Variants in RPS6KA2 observed in about 807,000 individuals in gnomAD.
RPS6KA2 encodes ribosomal protein S6 kinase A2, also known as ribosomal protein S6 kinase alpha-2.
Under a neutral mutation model 91.8 loss-of-function variants are expected in RPS6KA2, and 42 were observed. That is an observed-to-expected ratio of 0.46 (90% CI 0.36 to 0.59). The LOEUF (loss-of-function observed/expected upper bound fraction) is 0.59, where lower values mean the gene tolerates loss of function less well. Among genes scored for constraint, RPS6KA2 ranks in the 20% least tolerant of loss-of-function variants. RPS6KA2 has a pLI of 0.00. For synonymous variants in RPS6KA2, 414 were observed against 393.6 expected, an observed-to-expected ratio of 1.05 and a Z score of -0.61; for missense variants, 798 against 978.5, an observed-to-expected ratio of 0.82 and a Z score of 2.46.
chr6:166,771,550 A>T (rs1211127196), intron 2 of RPS6KA2, among the ~76,000 whole-genome samples: 1 of 152,148 alleles, frequency 6.6e-6, no homozygotes, highest in Admixed American at 6.6e-5. Flanking sequence ...GGCTACCCTT[A>T]CTGCGGCACG....
In RPS6KA2 at chr6:166,490,547, A is replaced by T. The variant is rs41269591; in HGVS notation, c.818+124T>A. On this transcript the variant is annotated intron_variant, in intron 9 of 20. Coordinates refer to ENST00000265678, the MANE Select transcript of RPS6KA2 (RefSeq NM_021135.6). This position sits in a 1 kb window ranked among gnomAD's most constrained non-coding sequence, Gnocchi z 4.2. ...ACCAGTGACTTTTAGAAAACAGCTT[A>T]CAATACTTTGGCACTGTAAGCCTAG... 13 of 722,622 alleles carry T rather than the reference A, an allele frequency of 1.8e-5. No homozygotes were observed. The highest frequency in any genetic ancestry group is 2.5e-5 in the Admixed American group (1 of 40,534). The allele number at this position is 722,622 out of a possible 1,614,324, so 44.8% of individuals were successfully genotyped here. A position where few individuals can be genotyped will look rare whatever the true frequency, so the allele number is the denominator to read the frequency against.
At chr6:166,842,003 G>A (rs780946241) in intron 2 of RPS6KA2, among the ~76,000 whole-genome samples, 4 of 152,080 alleles carry the variant, frequency 2.6e-5, no homozygotes, top group Admixed American at 6.5e-5. Context: ...GCGAACAAAA[G>A]CCAGTGCCCA....
chr6:166,462,715 C>T (rs1405849832), intron 11 of RPS6KA2, among the ~76,000 whole-genome samples: 1 of 152,214 alleles, frequency 6.6e-6, no homozygotes, highest in Non-Finnish European at 1.5e-5. Context: ...AATAGCTCCC[C>T]CTCACACGGC....
rs541153918 is a variant in RPS6KA2 at position 166,498,836 on chromosome 6, C to T, written c.605-186G>A. Among the ~76,000 whole-genome samples, 7 of 152,314 alleles carry T rather than the reference C, an allele frequency of 4.6e-5. No individual in the cohort carries two copies. The South Asian group carries it at 8.3e-4, about 18-fold the overall frequency. ...AAGCCCGTCAGTGCCCGAAGCCCGC[C>T]GGTGCCTGAAGCCGAAATCCTCAAA... On this transcript the variant is annotated intron_variant, in intron 7 of 20. Transcript: ENST00000265678.
chr6:166,721,367 C>G (rs929281389), intron 2 of RPS6KA2, among the ~76,000 whole-genome samples: 1 of 152,204 alleles, frequency 6.6e-6, no homozygotes, highest in African/African-American at 2.4e-5. Flanking sequence ...ACGGCCAGGA[C>G]CCGGGAGCAC....
intron 1 of RPS6KA2, among the ~76,000 whole-genome samples, chr6:166,610,235 T>C (rs999808404): frequency 5.3e-5 from 8 of 152,364 alleles, no homozygotes; most frequent in Middle Eastern, 3.4e-3. Context: ...TCGTAAATGA[T>C]TCTTTCCACT....
In RPS6KA2 at chr6:166,825,250, G is replaced by A. The variant is rs999997474; in HGVS notation, c.123+32950C>T. Among the ~76,000 whole-genome samples the A allele has an allele frequency of 3.3e-5, 5 of 152,264 alleles. No homozygotes were observed. Among genetic ancestry groups the A allele is most frequent in the African/African-American group, 9.6e-5 (4 of 41,472 alleles). ...AAAGGGGAGTGATCCCATGAGTCCC[G>A]AGAATAAAAGGCAGGGCTGATGGTG... On this transcript the variant is annotated intron_variant, in intron 2 of 21. Transcript: ENST00000503859. The surrounding 1 kb of genome is among the most constrained non-coding windows in gnomAD (Gnocchi z 4.1).
In RPS6KA2 at chr6:166,418,993, A is replaced by AC. The variant is rs1778633439; in HGVS notation, c.1821-652dup. 6.6e-6 allele frequency among the ~76,000 whole-genome samples: 1 copy of AC among 152,164 alleles called. No individual in the cohort carries two copies. The highest frequency in any genetic ancestry group is 1.5e-5 in the Non-Finnish European group (1 of 68,036). ...ATTAGAAGCGTCACAAAGTAACCTG[A>AC]CTGTGGTATTGGTAAGAAACTGAGG... is the stretch of plus-strand genomic sequence containing the variant. On this transcript the variant is annotated intron_variant, in intron 18 of 20. Coordinates refer to ENST00000265678, the MANE Select transcript of RPS6KA2 (RefSeq NM_021135.6). This position sits in a 1 kb window ranked among gnomAD's most constrained non-coding sequence, Gnocchi z 4.9.
At chr6:166,472,793 A>G (rs1252681162) in intron 10 of RPS6KA2, among the ~76,000 whole-genome samples, 3 of 152,150 alleles carry the variant, frequency 2.0e-5, no homozygotes, top group Non-Finnish European at 4.4e-5. Flanking sequence ...CGGGATGCGG[A>G]TGACACGCAC....
Position 166,500,200 on chromosome 6 carries a change from G to A in RPS6KA2, c.604+687C>T, listed in dbSNP as rs1321341889. On this transcript the variant is annotated intron_variant, in intron 7 of 20. Coordinates refer to ENST00000265678, the MANE Select transcript of RPS6KA2 (RefSeq NM_021135.6). The surrounding 1 kb of genome is among the most constrained non-coding windows in gnomAD (Gnocchi z 4.3). ...CTGCTGACACCTTGATTTCATTCCT[G>A]GGAGACTTATTTCACACTTGGGGCC... Among the ~76,000 whole-genome samples, 16 of 152,206 alleles carry A rather than the reference G, an allele frequency of 1.1e-4. No homozygotes were observed. Among genetic ancestry groups the A allele is most frequent in the Admixed American group, 8.5e-4 (13 of 15,278 alleles).
chr6:166,694,523 G>C (rs998815053), intron 2 of RPS6KA2, among the ~76,000 whole-genome samples: 3 of 152,218 alleles, frequency 2.0e-5, no homozygotes, highest in African/African-American at 7.2e-5. Flanking sequence ...AACAAAGCCT[G>C]GCCCAGAAGA....
chr6:166,807,715 A>G (rs1321488498), intron 2 of RPS6KA2, among the ~76,000 whole-genome samples: 2 of 151,958 alleles, frequency 1.3e-5, no homozygotes, highest in Non-Finnish European at 2.9e-5. Flanking sequence ...CCGTCTGCAC[A>G]CAGCCCAGTG....
chr6:166,680,304 G>T (rs146283061), intron 2 of RPS6KA2, among the ~76,000 whole-genome samples: 29 of 152,300 alleles, frequency 1.9e-4, no homozygotes, highest in African/African-American at 7.0e-4. Flanking sequence ...TGACCAATCA[G>T]CTCTCTGTAA....
At chr6:166,709,038 G>T (rs963464241) in intron 2 of RPS6KA2, among the ~76,000 whole-genome samples, 14 of 152,226 alleles carry the variant, frequency 9.2e-5, no homozygotes, top group African/African-American at 3.4e-4. Flanking sequence ...CACAAGCTGT[G>T]AGCCTGCAGT....
At chr6:166,617,764 G>T (rs888132560) in intron 1 of RPS6KA2, among the ~76,000 whole-genome samples, 1 of 152,176 alleles carries the variant, frequency 6.6e-6, no homozygotes, top group Non-Finnish European at 1.5e-5. Context: ...TAGAAGCTGC[G>T]AATTACATGG....
chr6:166,708,363 T>A (rs1789747246), intron 2 of RPS6KA2, among the ~76,000 whole-genome samples: 1 of 152,214 alleles, frequency 6.6e-6, no homozygotes, highest in East Asian at 1.9e-4. Context: ...AACATTCTGA[T>A]TACTGCAAAG....
chr6:166,659,100 G>A (rs1196357839), intron 2 of RPS6KA2, among the ~76,000 whole-genome samples: 1 of 152,094 alleles, frequency 6.6e-6, no homozygotes, highest in African/African-American at 2.4e-5. Context: ...GGGGATCACA[G>A]AGTCACCAAC....
rs1197680538 is a variant in RPS6KA2 at position 166,557,438 on chromosome 6, A to C, written c.100-18654T>G. Reference sequence around the variant, plus strand: ...TCCCACTGAGCTGTGCCTCAACCCAAATTAACCTGAAGTTCTGTTTACAGG... The same window carrying C: ...TCCCACTGAGCTGTGCCTCAACCCACATTAACCTGAAGTTCTGTTTACAGG... On this transcript the variant is annotated intron_variant, in intron 1 of 20. Transcript: ENST00000265678. This position sits in a 1 kb window ranked among gnomAD's most constrained non-coding sequence, Gnocchi z 4.8. 6.6e-6 allele frequency among the ~76,000 whole-genome samples: 1 copy of C among 152,170 alleles called. No homozygotes were observed. Among genetic ancestry groups the C allele is most frequent in the Non-Finnish European group, 1.5e-5 (1 of 68,030 alleles).
chr6:166,520,616 TGTAGAAGTA>T (rs1360602789), intron 3 of RPS6KA2, among the ~76,000 whole-genome samples: 1 of 152,130 alleles, frequency 6.6e-6, no homozygotes, highest in Non-Finnish European at 1.5e-5. Context: ...AACCTAAGAA[TGTAGAAGTA>T]GCTTTGGAAA....
Sources: allele counts gnomAD v4.1 joint callset (sites outside exome capture counted in the v4.1 genomes callset), GRCh38; gene constraint gnomAD v4.1.1; non-coding constraint Gnocchi (gnomAD v3.1); transcripts MANE v1.5; gene names NCBI Gene and HGNC (gene_info 2026-07-23, HGNC 2026-07-21).